The following RBFOX1 variants were observed in gnomAD, a reference collection of about 807,000 sequenced individuals.
RBFOX1 encodes RNA binding protein fox-1 homolog 1.
Under a neutral mutation model 57.7 loss-of-function variants are expected in RBFOX1, and 8 were observed. The ratio of observed to expected loss-of-function variants is 0.14; its 90% CI spans 0.08 to 0.25. The LOEUF (loss-of-function observed/expected upper bound fraction) is 0.25. Ranked by LOEUF, RBFOX1 falls within the 10% of genes least tolerant of loss-of-function variation. RBFOX1 has a pLI of 1.00. For synonymous variants in RBFOX1, 326 were observed against 222.4 expected, an observed-to-expected ratio of 1.47 and a Z score of -4.15; for missense variants, 611 against 548.5, an observed-to-expected ratio of 1.11 and a Z score of -1.14.
At chr16:5,863,115 C>T (rs1392193414) in intron 3 of RBFOX1, among the ~76,000 whole-genome samples, 1 of 152,108 alleles carries the variant, frequency 6.6e-6, no homozygotes, top group Non-Finnish European at 1.5e-5. Flanking sequence ...GGGCAAGGCT[C>T]TTTATGTCTC....
intron 3 of RBFOX1, among the ~76,000 whole-genome samples, chr16:6,973,498 A>T (rs1288641631): frequency 6.6e-6 from 1 of 152,154 alleles, no homozygotes; most frequent in Non-Finnish European, 1.5e-5. Context: ...CTTTTGCTGA[A>T]ATGCTCCTAT....
intron 4 of RBFOX1, among the ~76,000 whole-genome samples, chr16:7,377,060 G>C (rs1489308770): frequency 1.3e-5 from 2 of 152,170 alleles, no homozygotes. Context: ...AGGTATAAAT[G>C]TTTAAAATTA....
At chr16:5,279,203 T>C (rs1852670) in intron 1 of RBFOX1, among the ~76,000 whole-genome samples, 48,724 of 151,682 alleles carry the variant, frequency 0.32, 7,806 homozygotes, top group Non-Finnish European at 0.33. Flanking sequence ...TTAGTTATTC[T>C]AACCCACGAG....
At chr16:7,408,170 C>T (rs923262564) in intron 4 of RBFOX1, among the ~76,000 whole-genome samples, 15 of 152,176 alleles carry the variant, frequency 9.9e-5, no homozygotes, top group African/African-American at 3.4e-4. Flanking sequence ...GTATTTGTGA[C>T]AACCTCCTAT....
At position 5,689,331 on chromosome 16, in the gene RBFOX1, G is replaced by A. The variant is rs887315016; in HGVS notation, c.318+90370G>A. Among the ~76,000 whole-genome samples, 5 of 152,340 alleles carry A rather than the reference G, an allele frequency of 3.3e-5. No individual in the cohort carries two copies. The South Asian group carries it at 1.0e-3, about 32-fold the overall frequency. The stretch of plus-strand genomic sequence containing the variant: ...TACCTATCAAGGGTTGTTACACAGA[G>A]TTAGATAACATATATGCAGGGCATA... On this transcript the variant is annotated intron_variant, in intron 3 of 19. Transcript: ENST00000641259.
At chr16:6,565,812 A>G (rs1174523034) in intron 2 of RBFOX1, among the ~76,000 whole-genome samples, 1 of 152,226 alleles carries the variant, frequency 6.6e-6, no homozygotes, top group Admixed American at 6.5e-5. Flanking sequence ...GATGAAAAAA[A>G]GAGCTGGAAG....
chr16:7,483,273 A>G (rs770259859), intron 4 of RBFOX1, among the ~76,000 whole-genome samples: 1 of 152,186 alleles, frequency 6.6e-6, no homozygotes, highest in African/African-American at 2.4e-5. Flanking sequence ...AATCGTTGCA[A>G]TACTTGGGTT....
At chr16:6,851,586 C>T (rs978289911) in intron 3 of RBFOX1, among the ~76,000 whole-genome samples, 2 of 151,990 alleles carry the variant, frequency 1.3e-5, no homozygotes, top group East Asian at 1.9e-4. Flanking sequence ...AAGAGCTTTC[C>T]CCTAAGAGAT....
intron 4 of RBFOX1, among the ~76,000 whole-genome samples, chr16:6,012,262 G>A (rs1207828433): frequency 6.6e-6 from 1 of 152,232 alleles, no homozygotes; most frequent in East Asian, 1.9e-4. Flanking sequence ...GACTCAATGA[G>A]AATCTGAATG....
chr16:7,096,326 G>A (rs889031963), intron 4 of RBFOX1, among the ~76,000 whole-genome samples: 6 of 152,126 alleles, frequency 3.9e-5, no homozygotes, highest in African/African-American at 1.2e-4. Flanking sequence ...GAACCAGGTG[G>A]ATGCAGATCA....
intron 3 of RBFOX1, among the ~76,000 whole-genome samples, chr16:6,884,444 G>A (rs1394334912): frequency 6.6e-6 from 1 of 152,128 alleles, no homozygotes; most frequent in Non-Finnish European, 1.5e-5. Context: ...TGCCTTCAAG[G>A]ATCGTACTGT....
At chr16:6,268,705 C>G (rs184133620) in intron 1 of RBFOX1, among the ~76,000 whole-genome samples, 38 of 152,206 alleles carry the variant, frequency 2.5e-4, no homozygotes, top group Admixed American at 1.1e-3. Flanking sequence ...GGTGTTTGTT[C>G]TTAGGGATCT....
At chr16:6,905,293 C>T (rs778626078) in intron 3 of RBFOX1, among the ~76,000 whole-genome samples, 12 of 151,934 alleles carry the variant, frequency 7.9e-5, no homozygotes, top group Non-Finnish European at 1.8e-4. Context: ...GTAGGTCATT[C>T]CTGTAATCCT....
chr16:7,353,778 G>A (rs1332319305), intron 4 of RBFOX1, among the ~76,000 whole-genome samples: 1 of 152,142 alleles, frequency 6.6e-6, no homozygotes, highest in Admixed American at 6.6e-5. Context: ...GCTTAAAGTA[G>A]ATTAATGATT....
intron 14 of RBFOX1, among the ~76,000 whole-genome samples, chr16:7,707,310 G>A (rs994647105): frequency 2.2e-4 from 33 of 152,086 alleles, no homozygotes; most frequent in Admixed American, 2.0e-3. Flanking sequence ...CACCTTCTCA[G>A]ACTCCATGGT....
Position 5,470,805 on chromosome 16 carries a change from G to C in RBFOX1, c.258+3551G>C, listed in dbSNP as rs527853224. Among the ~76,000 whole-genome samples, 4 of 152,110 alleles carry C rather than the reference G, an allele frequency of 2.6e-5. No homozygotes were observed. In the South Asian group the frequency reaches 6.2e-4, roughly 24 times the overall value. ...CCATTGCATCTAGAGGCTTCTCCAG[G>C]CTCCCTGAAAGCATCAGCATTTTTC... On this transcript the variant is annotated intron_variant, in intron 2 of 2. Coordinates refer to the RBFOX1 transcript ENST00000585867.
At chr16:7,253,932 T>G (rs1018747429) in intron 4 of RBFOX1, among the ~76,000 whole-genome samples, 1 of 152,172 alleles carries the variant, frequency 6.6e-6, no homozygotes, top group African/African-American at 2.4e-5. Context: ...GGAGCTCTCT[T>G]GTATCTAGAA....
chr16:5,542,244 ATTTTTT>A lies in RBFOX1; in HGVS notation c.259-56641_259-56636del, dbSNP rs5815254. Among the ~76,000 whole-genome samples, 982 of 122,558 alleles carry A rather than the reference ATTTTTT, an allele frequency of 8.0e-3. 10 individuals are homozygous for A. Among genetic ancestry groups the A allele is most frequent in the African/African-American group, 0.028 (894 of 32,122 alleles). 80.4% of individuals were successfully genotyped at this position (122,558 alleles called of 152,430 possible). A position where few individuals can be genotyped will look rare whatever the true frequency, so the allele number is the denominator to read the frequency against. On this transcript the variant is annotated intron_variant, in intron 2 of 2. Transcript: ENST00000585867. The stretch of plus-strand genomic sequence containing the variant: ...TTTCAATTTAATAACACAGGTATTG[ATTTTTT>A]TTTTTTTTTTTTTTTTGAGACAGAG...
chr16:5,303,852 C>G (rs1206494826), intron 1 of RBFOX1, among the ~76,000 whole-genome samples: 2 of 152,034 alleles, frequency 1.3e-5, no homozygotes, highest in South Asian at 2.1e-4. Flanking sequence ...TCCCCTGGAG[C>G]TAGGCTCAGC....
Sources: allele counts gnomAD v4.1 joint callset (sites outside exome capture counted in the v4.1 genomes callset), GRCh38; gene constraint gnomAD v4.1.1; transcripts MANE v1.5; gene names NCBI Gene and HGNC (gene_info 2026-07-23, HGNC 2026-07-21).